KIF13A: variants seen among roughly 807,000 people sequenced by gnomAD.
The protein encoded by KIF13A is kinesin-like protein KIF13A.
Under a neutral mutation model 212.2 loss-of-function variants are expected in KIF13A, and 79 were observed. The ratio of observed to expected loss-of-function variants is 0.37; its 90% CI spans 0.31 to 0.45. The LOEUF is 0.45. Among genes scored for constraint, KIF13A ranks in the 20% least tolerant of loss-of-function variants. The probability of loss-of-function intolerance (pLI) is 1.00; values close to 1 mark genes in which losing one functional copy is unlikely to be tolerated. For synonymous variants in KIF13A, 789 were observed against 808.6 expected, an observed-to-expected ratio of 0.98 and a Z score of 0.41; for missense variants, 1,901 against 2,209.0, an observed-to-expected ratio of 0.86 and a Z score of 2.79.
chr6:17,845,802 C>A (rs1314803434), intron 9 of KIF13A, among the ~76,000 whole-genome samples: 1 of 152,180 alleles, frequency 6.6e-6, no homozygotes, highest in African/African-American at 2.4e-5. Context: ...TGGCAGTAGG[C>A]CACGCAGTGT....
chr6:17,809,454 C>G lies in KIF13A; in HGVS notation c.2001-524G>C, dbSNP rs1391263162. ...GCTGATAAAAAGCTTCTCTAATATC[C>G]CAGATTGGTCAAAACCCTCTTATAT... On this transcript the variant is annotated intron_variant, in intron 17 of 38. Coordinates refer to ENST00000259711, the MANE Select transcript of KIF13A (RefSeq NM_022113.6). The surrounding 1 kb of genome is among the most constrained non-coding windows in gnomAD (Gnocchi z 4.7). Among the ~76,000 whole-genome samples, 1 of 152,178 alleles carries G rather than the reference C, an allele frequency of 6.6e-6. No homozygotes were observed. The highest frequency in any genetic ancestry group is 2.4e-5 in the African/African-American group (1 of 41,440).
chr6:17,953,080 C>T (rs1778018956), intron 2 of KIF13A, among the ~76,000 whole-genome samples: 2 of 152,096 alleles, frequency 1.3e-5, no homozygotes, highest in Non-Finnish European at 2.9e-5. Flanking sequence ...ATTGGAAACA[C>T]TCTAAATGTC....
At chr6:17,980,607 C>A (rs6922642) in intron 2 of KIF13A, among the ~76,000 whole-genome samples, 73,506 of 151,728 alleles carry the variant, frequency 0.48, 19,011 homozygotes, top group African/African-American at 0.68. Flanking sequence ...AAAAAGATTT[C>A]GGGAAGTGGC....
In KIF13A at chr6:17,765,445, G is replaced by A. The variant is rs771352078; in HGVS notation, c.4582-499C>T. On this transcript the variant is annotated intron_variant, in intron 38 of 38. Transcript: ENST00000259711. ...AAAGTTTCTCAGCTATTTTATGGGG[G>A]AGAAGAGAGTAAAACAAAGAACCCA... Among the ~76,000 whole-genome samples the A allele has an allele frequency of 5.4e-4, 82 of 152,224 alleles. 1 individual carries two copies. The highest frequency in any genetic ancestry group is 1.1e-3 in the Non-Finnish European group (72 of 68,014).
chr6:17,893,833 T>C (rs1214815611), intron 3 of KIF13A, among the ~76,000 whole-genome samples: 1 of 10,502 alleles, frequency 9.5e-5, no homozygotes, highest in African/African-American at 3.0e-4. Flanking sequence ...TTCCTGCATC[T>C]TTTTTTTTTT....
chr6:17,821,614 A>C (rs1764459065), intron 16 of KIF13A, among the ~76,000 whole-genome samples: 1 of 75,446 alleles, frequency 1.3e-5, no homozygotes, highest in Non-Finnish European at 3.2e-5. Context: ...CATAATTGAA[A>C]AGGAACATTC....
rs1226662022 is a variant in KIF13A at position 17,919,074 on chromosome 6, C to T, written c.147-20894G>A. On this transcript the variant is annotated intron_variant, in intron 2 of 38. Coordinates refer to ENST00000259711, the MANE Select transcript of KIF13A (RefSeq NM_022113.6). This position sits in a 1 kb window ranked among gnomAD's most constrained non-coding sequence, Gnocchi z 4.1. ...AGATGCAGTCCTTGGCTCACATCAACGGATCACTTGTAACATTTGAGAAAA... is the reference window on the plus strand; with the variant it reads ...AGATGCAGTCCTTGGCTCACATCAATGGATCACTTGTAACATTTGAGAAAA... Among the ~76,000 whole-genome samples the T allele has an allele frequency of 6.6e-6, 1 of 152,150 alleles. No homozygotes were observed. Among genetic ancestry groups the T allele is most frequent in the Non-Finnish European group, 1.5e-5 (1 of 68,030 alleles).
Position 17,833,893 on chromosome 6 carries a change from C to G in KIF13A, c.1266+68G>C, listed in dbSNP as rs925720246. On this transcript the variant is annotated intron_variant, in intron 12 of 38. Transcript: ENST00000259711. ...AAAAAAGACTTTCTGAAGATGACAG[C>G]AAACTACACAGAAAAGACAATAAGT... 5.6e-6 allele frequency: 4 copies of G among 716,292 alleles called. No homozygotes were observed. The African/African-American group carries it at 7.4e-5, about 13-fold the overall frequency. 44.4% of individuals were successfully genotyped at this position (716,292 alleles called of 1,614,324 possible). A position where few individuals can be genotyped will look rare whatever the true frequency, so the allele number is the denominator to read the frequency against.
rs907335484 is a variant in KIF13A, at chr6:17,915,433, G to T, written c.147-17253C>A. ...AGCAGAGTAACACACGCGATGCAAG[G>T]CCCCTCATTTTCAGCCATTTATTTT... On this transcript the variant is annotated intron_variant, in intron 2 of 38. Transcript: ENST00000259711. This position sits in a 1 kb window ranked among gnomAD's most constrained non-coding sequence, Gnocchi z 4.4. Among the ~76,000 whole-genome samples the T allele has an allele frequency of 7.2e-5, 11 of 152,096 alleles. No homozygotes were observed. Among genetic ancestry groups the T allele is most frequent in the African/African-American group, 2.4e-5 (1 of 41,406 alleles).
intron 2 of KIF13A, among the ~76,000 whole-genome samples, chr6:17,952,886 CG>C (rs1360071129): frequency 4.0e-5 from 6 of 150,232 alleles, no homozygotes; most frequent in Non-Finnish European, 8.9e-5. Flanking sequence ...GCCGAGATAG[CG>C]CCACTGCACT....
rs369968374 is a variant in KIF13A, at chr6:17,823,585, G to A, written c.1786+2183C>T. Among the ~76,000 whole-genome samples the A allele has an allele frequency of 8.6e-4, 131 of 151,470 alleles. 1 individual carries two copies. The South Asian group carries it at 0.027, about 31-fold the overall frequency. ...CAGGTTCAAGTGATTCTCGTGCTCCGGCCTCCCAAGTAACTAGGATTTCAG... is the reference window on the plus strand; with the variant it reads ...CAGGTTCAAGTGATTCTCGTGCTCCAGCCTCCCAAGTAACTAGGATTTCAG... On this transcript the variant is annotated intron_variant, in intron 16 of 38. Coordinates refer to ENST00000259711, the MANE Select transcript of KIF13A (RefSeq NM_022113.6).
chr6:17,851,904 T>C (rs2150400937), intron 7 of KIF13A, 51 bp downstream of exon 7: 1 of 956,950 alleles, frequency 1.0e-6, no homozygotes, highest in Non-Finnish European at 1.5e-6. Context: ...ATCACTTACA[T>C]ACTTTGATTT....
intron 2 of KIF13A, among the ~76,000 whole-genome samples, chr6:17,940,293 G>A (rs775974273): frequency 3.9e-5 from 6 of 152,046 alleles, no homozygotes; most frequent in South Asian, 2.1e-4. Context: ...ACTATTAAGC[G>A]CAGATTCTTC....
chr6:17,775,148 T>G, intron 34 of KIF13A, 86 bp from the exon 35 acceptor site: 1 of 1,083,534 alleles, frequency 9.2e-7, no homozygotes, highest in Non-Finnish European at 1.4e-6. Flanking sequence ...AATGTCACAG[T>G]TGAAGCCTGC....
At position 17,777,141 on chromosome 6, in the gene KIF13A, C is replaced by T; in HGVS notation, c.4170+136G>A. 1.4e-6 allele frequency: 1 copy of T among 689,738 alleles called. No individual in the cohort carries two copies. The highest frequency in any genetic ancestry group is 2.6e-6 in the Non-Finnish European group (1 of 381,752). The allele number at this position is 689,738 out of a possible 1,614,324, so 42.7% of individuals were successfully genotyped here. ...TGCTGCCTGGTGTGTGTCCCTGGTA[C>T]AGAGAAGCAGGCTACACTTTGGGAT... On this transcript the variant is annotated intron_variant, in intron 34 of 38. Coordinates refer to ENST00000259711, the MANE Select transcript of KIF13A (RefSeq NM_022113.6). The surrounding 1 kb of genome is among the most constrained non-coding windows in gnomAD (Gnocchi z 4.4).
intron 2 of KIF13A, among the ~76,000 whole-genome samples, chr6:17,946,106 T>C (rs1402599134): frequency 6.6e-6 from 1 of 152,148 alleles, no homozygotes; most frequent in Non-Finnish European, 1.5e-5. Context: ...TTTAAAAACA[T>C]GACACATACA....
intron 16 of KIF13A, among the ~76,000 whole-genome samples, chr6:17,820,121 C>T (rs1341337326): frequency 6.6e-6 from 1 of 152,126 alleles, no homozygotes. Context: ...CCCAAGGTTC[C>T]ATGCTGACAC....
Position 17,800,050 on chromosome 6 carries a change from C to T in KIF13A, c.2518G>A (p.Glu840Lys). The T allele has an allele frequency of 6.2e-7, 1 of 1,614,022 alleles. No homozygotes were observed. Among genetic ancestry groups the T allele is most frequent in the Non-Finnish European group, 8.5e-7 (1 of 1,179,896 alleles). ...CTGGAATTCTCCGAAGAGTCATCCT[C>T]CACCACACGCTCTGGAACAGCTCCT... ...VTGAVPERVV[E>K]DDSSENSSES... The change falls in exon 21 of 39, where the codon GAG (glutamate) becomes AAG (lysine). Residue 840 changes from glutamate (E) to lysine (K), a missense_variant. Around this residue, in one of 5 missense-constraint regions of KIF13A, gnomAD observed 534 missense variants for 536.9 expected, o/e 0.99. Transcript: ENST00000259711.
chr6:17,889,341 A>C (rs976592811), intron 3 of KIF13A, among the ~76,000 whole-genome samples: 1 of 152,228 alleles, frequency 6.6e-6, no homozygotes, highest in East Asian at 1.9e-4. Context: ...TAAACATAGA[A>C]GTGAGATCAA....
Sources: allele counts gnomAD v4.1 joint callset (sites outside exome capture counted in the v4.1 genomes callset), GRCh38; gene constraint gnomAD v4.1.1; regional missense constraint gnomAD v4.1.1; non-coding constraint Gnocchi (gnomAD v3.1); transcripts MANE v1.5; gene names NCBI Gene and HGNC (gene_info 2026-07-23, HGNC 2026-07-21).